Variants in SYNE2 observed in about 807,000 individuals in gnomAD.
SYNE2 encodes spectrin repeat containing nuclear envelope protein 2.
SYNE2 carries 431 observed loss-of-function variants against 856.3 expected under a neutral mutation model. The observed-to-expected ratio is 0.50, with a 90% CI of 0.47 to 0.55. The LOEUF (loss-of-function observed/expected upper bound fraction) is 0.55, where lower values mean the gene tolerates loss of function less well. Ranked by LOEUF, SYNE2 falls within the 20% of genes least tolerant of loss-of-function variation. SYNE2 has a pLI of 0.00. For synonymous variants in SYNE2, 2,923 were observed against 2,872.3 expected (o/e 1.02, Z -0.56); for missense variants, 8,129 against 8,023.2 (o/e 1.01, Z -0.50).
intron 1 of SYNE2, among the ~76,000 whole-genome samples, chr14:63,787,109 A>G (rs1034760624): frequency 2.0e-5 from 3 of 152,152 alleles, no homozygotes; most frequent in African/African-American, 4.8e-5. Context: ...GTATACATAC[A>G]TGCATACAAT....
chr14:64,002,788 A>T lies in SYNE2; in HGVS notation c.3855A>T (p.Val1285=), dbSNP rs371327530. 61 of 1,605,608 alleles carry T rather than the reference A, an allele frequency of 3.8e-5. No homozygotes were observed. Among genetic ancestry groups the T allele is most frequent in the Non-Finnish European group, 5.0e-5 (59 of 1,176,468 alleles). Reference sequence around the variant, plus strand: ...GCTTAGAAGAGCCAGGCAACTTTGTATTAAAGGAGTTACACCCATTTGATC... The same window carrying T: ...GCTTAGAAGAGCCAGGCAACTTTGTTTTAAAGGAGTTACACCCATTTGATC... The part of the protein sequence containing the change: ...CNRLEEPGNF[V]LKELHPFDLH... The change falls in exon 30 of 116, where the codon GTA becomes GTT. Residue 1285 remains valine, a synonymous_variant. Coordinates refer to ENST00000555002, the MANE Select transcript of SYNE2 (RefSeq NM_182914.3).
chr14:63,841,164 A>G (rs1399479210), intron 1 of SYNE2, among the ~76,000 whole-genome samples: 1 of 152,166 alleles, frequency 6.6e-6, no homozygotes, highest in Non-Finnish European at 1.5e-5. Flanking sequence ...TTGAGAGCAG[A>G]TACTCCACAG....
At chr14:63,806,504 A>G (rs1888365982) in intron 1 of SYNE2, among the ~76,000 whole-genome samples, 1 of 152,072 alleles carries the variant, frequency 6.6e-6, no homozygotes, top group South Asian at 2.1e-4. Context: ...GTTAGAGAGG[A>G]GTCCCTCCTC....
intron 1 of SYNE2, among the ~76,000 whole-genome samples, chr14:63,905,628 A>G (rs1014510155): frequency 6.6e-6 from 1 of 152,130 alleles, no homozygotes; most frequent in Admixed American, 6.5e-5. Flanking sequence ...AAATGTTACT[A>G]ATTTTTGTAC....
chr14:63,982,336 G>A (rs2096591726), intron 16 of SYNE2, among the ~76,000 whole-genome samples: 2 of 152,126 alleles, frequency 1.3e-5, no homozygotes, highest in Non-Finnish European at 2.9e-5. Flanking sequence ...ATGACAGACA[G>A]CTGGCATTTG....
At chr14:64,088,573 C>T (rs2097581477) in intron 58 of SYNE2, among the ~76,000 whole-genome samples, 1 of 152,158 alleles carries the variant, frequency 6.6e-6, no homozygotes, top group South Asian at 2.1e-4. Context: ...GAGTTTGAGA[C>T]CTGCCTGGGT....
chr14:63,974,209 G>A (rs1206157376), intron 11 of SYNE2, among the ~76,000 whole-genome samples: 1 of 152,184 alleles, frequency 6.6e-6, no homozygotes, highest in African/African-American at 2.4e-5. Flanking sequence ...TTTAATTTGT[G>A]ATTGATCTTC....
chr14:64,152,507 CTTA>C (rs1457916430), intron 84 of SYNE2, 54 bp from the exon 85 acceptor site: 16 of 1,577,806 alleles, frequency 1.0e-5, no homozygotes, highest in Non-Finnish European at 1.4e-5. Flanking sequence ...TCTCTGACAC[CTTA>C]TTAATTGTTT....
In SYNE2 at chr14:64,221,701, A is replaced by G; in HGVS notation, c.20187A>G (p.Leu6729=). The G allele has an allele frequency of 3.1e-6, 5 of 1,613,648 alleles. No homozygotes were observed. Among genetic ancestry groups the G allele is most frequent in the Non-Finnish European group, 3.4e-6 (4 of 1,179,620 alleles). The change falls in exon 112 of 116, where the codon CTA becomes CTG. Residue 6729 remains leucine (L), a synonymous_variant. Coordinates refer to ENST00000555002, the MANE Select transcript of SYNE2 (RefSeq NM_182914.3). The part of the protein sequence containing the change: ...PRALLECRRE[L]MQLEKELVER... Reference sequence around the variant, plus strand: ...CTCTCCTAGAGTGTCGGAGGGAACTAATGGTAAGTTTCCTCCCAAGGGCTC... The same window carrying G: ...CTCTCCTAGAGTGTCGGAGGGAACTGATGGTAAGTTTCCTCCCAAGGGCTC...
intron 1 of SYNE2, among the ~76,000 whole-genome samples, chr14:63,790,343 GAAAA>G (rs1887690593): frequency 6.7e-6 from 1 of 150,144 alleles, no homozygotes; most frequent in Non-Finnish European, 1.5e-5. Context: ...CTCAAAAAAA[GAAAA>G]AGGAAGGAAA....
At chr14:64,039,335 G>T (rs577706936) in intron 45 of SYNE2, among the ~76,000 whole-genome samples, 1 of 152,340 alleles carries the variant, frequency 6.6e-6, no homozygotes, top group Admixed American at 6.5e-5. Flanking sequence ...TTACTGACTT[G>T]CCTCTTGTGA....
chr14:64,113,338 T>C lies in SYNE2; in HGVS notation c.12610-3T>C. Reference sequence around the variant, plus strand: ...CCCTGGCTTATCTTTGGATTTCTCTTAGGGCACCACACCTCCTATTGAGGC... The same window carrying C: ...CCCTGGCTTATCTTTGGATTTCTCTCAGGGCACCACACCTCCTATTGAGGC... On this transcript the variant is annotated splice_region_variant and splice_polypyrimidine_tract_variant and intron_variant, in intron 65 of 115. Coordinates refer to ENST00000555002, the MANE Select transcript of SYNE2 (RefSeq NM_182914.3). 1 of 1,613,698 alleles carries C rather than the reference T, an allele frequency of 6.2e-7. No individual in the cohort carries two copies. Among genetic ancestry groups the C allele is most frequent in the Non-Finnish European group, 8.5e-7 (1 of 1,180,036 alleles).
intron 110 of SYNE2, 75 bp from the exon 111 acceptor site, chr14:64,220,362 C>T: frequency 6.6e-7 from 1 of 1,521,656 alleles, no homozygotes; most frequent in Non-Finnish European, 9.1e-7. Flanking sequence ...AAAATTTGTT[C>T]CCTACTGAGG....
intron 1 of SYNE2, among the ~76,000 whole-genome samples, chr14:63,826,331 C>T (rs149429294): frequency 7.9e-5 from 12 of 152,214 alleles, no homozygotes; most frequent in African/African-American, 1.4e-4. Flanking sequence ...GACCGAGTCT[C>T]GCTCTGTTGC....
chr14:63,948,634 G>A (rs1595819668), intron 6 of SYNE2, among the ~76,000 whole-genome samples: 2 of 145,262 alleles, frequency 1.4e-5, no homozygotes, highest in Admixed American at 7.1e-5. Context: ...GCCCTCCAGC[G>A]TGGGCGACGG....
intron 84 of SYNE2, among the ~76,000 whole-genome samples, chr14:64,148,740 A>G (rs2098211681): frequency 6.6e-6 from 1 of 152,144 alleles, no homozygotes; most frequent in South Asian, 2.1e-4. Context: ...ATGGAAGCAA[A>G]TAAATAAAAC....
chr14:63,985,951 T>A (rs1220929273), intron 18 of SYNE2, among the ~76,000 whole-genome samples: 1 of 152,154 alleles, frequency 6.6e-6, no homozygotes, highest in Non-Finnish European at 1.5e-5. Flanking sequence ...GAGGCTGCAA[T>A]GAGCTGTGAT....
chr14:63,814,840 A>C (rs1367683108), intron 1 of SYNE2, among the ~76,000 whole-genome samples: 19 of 102,690 alleles, frequency 1.9e-4, no homozygotes, highest in African/African-American at 6.5e-4. Context: ...CCATATACAT[A>C]TCTCCATATA....
intron 1 of SYNE2, among the ~76,000 whole-genome samples, chr14:63,855,226 G>A (rs1891414736): frequency 6.6e-6 from 1 of 152,054 alleles, no homozygotes; most frequent in South Asian, 2.1e-4. Flanking sequence ...CGTGATTCCT[G>A]CCCTTATCTA....
Sources: allele counts gnomAD v4.1 joint callset (sites outside exome capture counted in the v4.1 genomes callset), GRCh38; gene constraint gnomAD v4.1.1; transcripts MANE v1.5; gene names NCBI Gene and HGNC (gene_info 2026-07-23, HGNC 2026-07-21).